ARHGAP40: variants seen among roughly 807,000 people sequenced by gnomAD.
The protein encoded by ARHGAP40 is Rho GTPase activating protein 40, also known as rho GTPase-activating protein 40.
In ARHGAP40, 43 loss-of-function variants were observed where a neutral mutation model predicts 73.5. The ratio of observed to expected loss-of-function variants is 0.58; its 90% CI spans 0.46 to 0.75. The LOEUF (loss-of-function observed/expected upper bound fraction) is 0.75, where lower values mean the gene tolerates loss of function less well. Among genes scored for constraint, ARHGAP40 ranks in the 30% least tolerant of loss-of-function variants. ARHGAP40 has a pLI of 0.00. For missense variants in ARHGAP40, 734 were observed against 861.8 expected, an observed-to-expected ratio of 0.85 and a Z score of 1.86; for synonymous variants, 300 against 352.8, an observed-to-expected ratio of 0.85 and a Z score of 1.68.
chr20:38,650,517 G>A (rs987759519), exon 15 of ARHGAP40: 12 of 468,138 alleles, frequency 2.6e-5, no homozygotes, highest in African/African-American at 2.2e-4. Flanking sequence ...AGCCCCGGGA[G>A]AAATGGACAG....
intron 6 of ARHGAP40, 147 bp from the exon 7 acceptor site, chr20:38,637,561 G>A (rs1387645007): frequency 1.1e-5 from 5 of 470,540 alleles, no homozygotes; most frequent in Non-Finnish European, 2.0e-5. Flanking sequence ...CTCAAGAGGA[G>A]CGGTTTGGGT....
In ARHGAP40 at chr20:38,646,186, CGGTG is replaced by C; in HGVS notation, c.1710_1710+3del. 1 of 1,300,040 alleles carries C rather than the reference CGGTG, an allele frequency of 7.7e-7. No individual in the cohort carries two copies. The highest frequency in any genetic ancestry group is 1.2e-5 in the South Asian group (1 of 80,772). 80.5% of individuals were successfully genotyped at this position (1,300,040 alleles called of 1,614,324 possible). A position where few individuals can be genotyped will look rare whatever the true frequency, so the allele number is the denominator to read the frequency against. On this transcript the variant is annotated splice_donor_variant and splice_donor_region_variant and coding_sequence_variant and intron_variant, in exon 12 of 15. Coordinates refer to ENST00000373345, the Ensembl canonical transcript of ARHGAP40. LOFTEE classifies it high-confidence loss of function. This position sits in a 1 kb window ranked among gnomAD's most constrained non-coding sequence, Gnocchi z 4.5. ...GACAAGGCGGGGGACGGCCTCGAGG[CGGTG>C]AGTGCCCCCGACCCCAGACAGGTGG...
chr20:38,627,190 A>G (rs1601141369), exon 3 of ARHGAP40: 1 of 1,305,446 alleles, frequency 7.7e-7, no homozygotes, highest in Non-Finnish European at 1.0e-6. Context: ...GATGTCAGGG[A>G]TGTCTTTGGG....
chr20:38,603,557 A>G (rs969903766), intron 1 of ARHGAP40, among the ~76,000 whole-genome samples: 4 of 151,424 alleles, frequency 2.6e-5, no homozygotes, highest in Non-Finnish European at 4.4e-5. Flanking sequence ...TATTGCTGCT[A>G]TAACAAATCA....
Position 38,646,846 on chromosome 20 carries a change from T to G in ARHGAP40, c.1711-111T>G. 1 of 1,009,738 alleles carries G rather than the reference T, an allele frequency of 9.9e-7. No individual in the cohort carries two copies. The highest frequency in any genetic ancestry group is 1.3e-6 in the Non-Finnish European group (1 of 752,256). The allele number at this position is 1,009,738 out of a possible 1,614,324, so 62.5% of individuals were successfully genotyped here. On this transcript the variant is annotated intron_variant, in intron 12 of 14. Transcript: ENST00000373345. The surrounding 1 kb of genome is among the most constrained non-coding windows in gnomAD (Gnocchi z 4.5). ...TGCGTGTGTGTGTATCTTGTGATTT[T>G]CAGCGTGGGCATTTGCGTAAGTGCC...
intron 6 of ARHGAP40, 21 bp downstream of exon 6, chr20:38,634,806 G>A (rs1160198632): frequency 1.6e-6 from 2 of 1,254,118 alleles, no homozygotes; most frequent in Non-Finnish European, 2.1e-6. Context: ...CCAGCCCAGG[G>A]AAAGCCCTGT....
chr20:38,650,460 A>G (rs1303818656), exon 15 of ARHGAP40: 1 of 470,790 alleles, frequency 2.1e-6, no homozygotes, highest in Admixed American at 2.4e-5. Context: ...TTTCAGGATG[A>G]GGGGCTAGGG....
rs61492761 is a variant in ARHGAP40 at position 38,643,145 on chromosome 20, C to CA, written c.1363-546dup. Among the ~76,000 whole-genome samples the CA allele has an allele frequency of 7.5e-3, 998 of 133,354 alleles. 9 individuals carry two copies. Among genetic ancestry groups the CA allele is most frequent in the African/African-American group, 0.024 (836 of 35,134 alleles). 87.5% of individuals were successfully genotyped at this position (133,354 alleles called of 152,430 possible). The stretch of plus-strand genomic sequence containing the variant: ...TGGGAGACAGAGTGAGACTCTGACT[C>CA]AAAAAAAAAAAAACAAAAAACAAAC... On this transcript the variant is annotated intron_variant, in intron 10 of 14. Transcript: ENST00000373345.
chr20:38,647,270 CT>C, intron 13 of ARHGAP40, 144 bp downstream of exon 13: 1 of 565,610 alleles, frequency 1.8e-6, no homozygotes, highest in Non-Finnish European at 2.7e-6. Context: ...GTTCTCCAAT[CT>C]TAGAGAGTTT....
chr20:38,644,453 C>T (rs938381504), intron 11 of ARHGAP40, among the ~76,000 whole-genome samples: 1 of 152,136 alleles, frequency 6.6e-6, no homozygotes, highest in Non-Finnish European at 1.5e-5. Context: ...CAAGGCAGCA[C>T]CATCTACCAC....
At chr20:38,649,901 T>G (rs922168075) in exon 15 of ARHGAP40, 3 of 1,208,498 alleles carry the variant, frequency 2.5e-6, no homozygotes, top group Non-Finnish European at 3.3e-6. Flanking sequence ...CCCTGCTGGC[T>G]CTGTGTCCAT....
chr20:38,623,540 G>A lies in ARHGAP40; in HGVS notation c.319G>A (p.Glu107Lys), dbSNP rs534382153. The A allele has an allele frequency of 1.9e-3, 2,417 of 1,289,992 alleles. 63 individuals carry two copies. The South Asian group carries it at 0.028, about 15-fold the overall frequency. The allele number at this position is 1,289,992 out of a possible 1,614,324, so 79.9% of individuals were successfully genotyped here. A position where few individuals can be genotyped will look rare whatever the true frequency, so the allele number is the denominator to read the frequency against. Reference sequence around the variant, plus strand: ...GAGGGAAGAGGACAGTGGCGGGAATGAAGGCCAGCTTCCAGAGGGTGAGAG... The same window carrying A: ...GAGGGAAGAGGACAGTGGCGGGAATAAAGGCCAGCTTCCAGAGGGTGAGAG... Residue 107 changes from glutamate to lysine, a missense_variant, in exon 2 of 15, where the codon GAA (glutamate) becomes AAA (lysine). By Grantham distance (56) the Glu-to-Lys change is moderately conservative. Transcript: ENST00000373345.
intron 1 of ARHGAP40, among the ~76,000 whole-genome samples, chr20:38,620,322 C>T (rs1440127807): frequency 1.3e-5 from 2 of 152,198 alleles, no homozygotes; most frequent in South Asian, 2.1e-4. Flanking sequence ...GGGTACTCAC[C>T]GCCATGCTGC....
intron 2 of ARHGAP40, among the ~76,000 whole-genome samples, chr20:38,625,615 C>T (rs1250088130): frequency 4.6e-5 from 7 of 152,120 alleles, no homozygotes; most frequent in East Asian, 1.9e-4. Flanking sequence ...GATGGGGTTT[C>T]GCCATGTTGG....
intron 5 of ARHGAP40, among the ~76,000 whole-genome samples, chr20:38,633,422 G>A (rs2088953876): frequency 6.6e-6 from 1 of 152,200 alleles, no homozygotes; most frequent in Admixed American, 6.5e-5. Flanking sequence ...AAAAGTAGTA[G>A]TAAGTATTGA....
At chr20:38,642,966 C>T (rs547833354) in intron 10 of ARHGAP40, among the ~76,000 whole-genome samples, 2 of 152,026 alleles carry the variant, frequency 1.3e-5, no homozygotes, top group Non-Finnish European at 2.9e-5. Flanking sequence ...TATGGTGAAA[C>T]CCCGTCTGTA....
At chr20:38,611,807 C>A (rs999988218) in intron 1 of ARHGAP40, among the ~76,000 whole-genome samples, 2 of 151,882 alleles carry the variant, frequency 1.3e-5, no homozygotes. Flanking sequence ...ATCTCCTGAC[C>A]CCGTGATCCT....
intron 2 of ARHGAP40, among the ~76,000 whole-genome samples, chr20:38,626,305 C>T (rs1392685467): frequency 2.0e-5 from 3 of 152,198 alleles, no homozygotes; most frequent in Non-Finnish European, 4.4e-5. Context: ...AGCTCTTGTC[C>T]ATTTCCCCCA....
At position 38,646,330 on chromosome 20, in the gene ARHGAP40, C is replaced by T; in HGVS notation, c.1710+143C>T. 9 of 999,190 alleles carry T rather than the reference C, an allele frequency of 9.0e-6. No individual in the cohort carries two copies. Among genetic ancestry groups the T allele is most frequent in the Non-Finnish European group, 1.1e-5 (9 of 790,176 alleles). The allele number at this position is 999,190 out of a possible 1,614,324, so 61.9% of individuals were successfully genotyped here. On this transcript the variant is annotated intron_variant, in intron 12 of 14. Coordinates refer to ENST00000373345, the Ensembl canonical transcript of ARHGAP40. This position sits in a 1 kb window ranked among gnomAD's most constrained non-coding sequence, Gnocchi z 4.5. The stretch of plus-strand genomic sequence containing the variant: ...GAGGCCACCAGGGGGCGTTGCGGCG[C>T]CGTCACGGGGAGCGAGGAGGCGTGG...
Sources: allele counts gnomAD v4.1 joint callset (sites outside exome capture counted in the v4.1 genomes callset), GRCh38; gene constraint gnomAD v4.1.1; non-coding constraint Gnocchi (gnomAD v3.1); transcripts MANE v1.5; gene names NCBI Gene and HGNC (gene_info 2026-07-23, HGNC 2026-07-21).